The following GMDS variants were observed in gnomAD, a reference collection of about 807,000 sequenced individuals.
GMDS encodes the protein GDP-mannose 4,6 dehydratase.
Under a neutral mutation model 49.9 loss-of-function variants are expected in GMDS, and 20 were observed. The observed-to-expected ratio is 0.40, with a 90% CI of 0.28 to 0.58. The LOEUF is 0.58. Ranked by LOEUF, GMDS falls within the 20% of genes least tolerant of loss-of-function variation. The pLI is 0.42. For synonymous variants in GMDS, 177 were observed against 178.6 expected (o/e 0.99, Z 0.07); for missense variants, 362 against 481.4 (o/e 0.75, Z 2.32).
At chr6:1,854,592 G>A (rs754350075) in intron 7 of GMDS, among the ~76,000 whole-genome samples, 2 of 152,238 alleles carry the variant, frequency 1.3e-5, no homozygotes, top group Non-Finnish European at 2.9e-5. Flanking sequence ...CAGGGACACT[G>A]TTGAACAGAA....
intron 1 of GMDS, among the ~76,000 whole-genome samples, chr6:2,201,670 T>C (rs879858652): frequency 3.8e-4 from 28 of 74,526 alleles, no homozygotes; most frequent in African/African-American, 5.4e-4. Flanking sequence ...AGCAGAGAGG[T>C]GAAGGATGAA....
intron 7 of GMDS, among the ~76,000 whole-genome samples, chr6:1,852,405 C>T (rs1183992692): frequency 6.6e-6 from 1 of 152,128 alleles, no homozygotes; most frequent in Non-Finnish European, 1.5e-5. Context: ...CGAGTAAACT[C>T]AAAAATGGCA....
intron 7 of GMDS, among the ~76,000 whole-genome samples, chr6:1,912,139 G>A (rs1284068961): frequency 6.6e-6 from 1 of 152,172 alleles, no homozygotes; most frequent in Non-Finnish European, 1.5e-5. Flanking sequence ...GCTGAGGCGG[G>A]TGGATCACCT....
chr6:2,064,630 A>C (rs1201759949), intron 4 of GMDS, among the ~76,000 whole-genome samples: 1 of 152,170 alleles, frequency 6.6e-6, no homozygotes. Flanking sequence ...CACTCTGGCC[A>C]AGTCACCCAG....
chr6:2,154,995 T>C (rs892820182), intron 1 of GMDS, among the ~76,000 whole-genome samples: 1 of 152,022 alleles, frequency 6.6e-6, no homozygotes, highest in African/African-American at 2.4e-5. Flanking sequence ...AAGGCTAATA[T>C]TCAACCTTTA....
chr6:2,222,362 C>CA, intron 1 of GMDS, among the ~76,000 whole-genome samples: 1 of 152,288 alleles, frequency 6.6e-6, no homozygotes, highest in South Asian at 2.1e-4. Flanking sequence ...CAAATGGCTC[C>CA]AAAACCTCTG....
chr6:2,152,157 A>C (rs1251982772), intron 1 of GMDS, among the ~76,000 whole-genome samples: 1 of 152,182 alleles, frequency 6.6e-6, no homozygotes, highest in Non-Finnish European at 1.5e-5. Context: ...TTATACTTTG[A>C]CTTTATTTAA....
At chr6:2,172,690 T>A (rs574031685) in intron 1 of GMDS, among the ~76,000 whole-genome samples, 3 of 150,710 alleles carry the variant, frequency 2.0e-5, no homozygotes, top group African/African-American at 7.3e-5. Flanking sequence ...AGGCTCCATC[T>A]CCAAAAAAAA....
At position 1,833,149 on chromosome 6, in the gene GMDS, T is replaced by A. The variant is rs1392104494; in HGVS notation, c.772-90563A>T. ...GCCTTTTTTTTTTTTTTTTTTTTTTTAAACTAATGCACTGGAAGGGGGCAA... is the reference window on the plus strand; with the variant it reads ...GCCTTTTTTTTTTTTTTTTTTTTTTAAAACTAATGCACTGGAAGGGGGCAA... On this transcript the variant is annotated intron_variant, in intron 7 of 10. Coordinates refer to ENST00000380815, the MANE Select transcript of GMDS (RefSeq NM_001500.4). This position sits in a 1 kb window ranked among gnomAD's most constrained non-coding sequence, Gnocchi z 4.4. Among the ~76,000 whole-genome samples the A allele has an allele frequency of 1.7e-5, 2 of 118,716 alleles. No individual in the cohort carries two copies. The highest frequency in any genetic ancestry group is 2.6e-4 in the East Asian group (1 of 3,908). 77.9% of individuals were successfully genotyped at this position (118,716 alleles called of 152,430 possible).
intron 9 of GMDS, among the ~76,000 whole-genome samples, chr6:1,690,508 G>T (rs559111323): frequency 6.6e-6 from 1 of 152,282 alleles, no homozygotes; most frequent in South Asian, 2.1e-4. Flanking sequence ...TGTCAGGTCT[G>T]TTGAAGATCA....
rs1766312491 is a variant in GMDS, at chr6:1,996,836, T to C, written c.346-35870A>G. ...CTGAGGACATGTACTCAGACAAAAA[T>C]TGAGAATTCCACTACTCAGAAGAGA... On this transcript the variant is annotated intron_variant, in intron 4 of 10. Transcript: ENST00000380815. Among the ~76,000 whole-genome samples, 2 of 152,140 alleles carry C rather than the reference T, an allele frequency of 1.3e-5. 1 individual carries two copies. Among genetic ancestry groups the C allele is most frequent in the South Asian group, 4.1e-4 (2 of 4,830 alleles).
chr6:1,921,758 A>C (rs1262706427), intron 7 of GMDS, among the ~76,000 whole-genome samples: 1 of 152,214 alleles, frequency 6.6e-6, no homozygotes, highest in Non-Finnish European at 1.5e-5. Flanking sequence ...TGTTAGAAAC[A>C]ACACAGAAAC....
At chr6:1,685,294 G>C (rs904346117) in intron 9 of GMDS, among the ~76,000 whole-genome samples, 4 of 152,090 alleles carry the variant, frequency 2.6e-5, no homozygotes, top group African/African-American at 7.2e-5. Context: ...CAAGCTACTT[G>C]GGAGGCTGAG....
intron 6 of GMDS, among the ~76,000 whole-genome samples, chr6:1,944,563 G>A (rs1011435658): frequency 2.0e-5 from 3 of 151,584 alleles, no homozygotes; most frequent in Admixed American, 6.6e-5. Flanking sequence ...CCAGCTACTC[G>A]GGAGGCTGAG....
chr6:2,154,028 A>G (rs995175464), intron 1 of GMDS, among the ~76,000 whole-genome samples: 4 of 152,194 alleles, frequency 2.6e-5, no homozygotes, highest in African/African-American at 9.7e-5. Flanking sequence ...TGTCCATACA[A>G]TACTTTCATT....
intron 2 of GMDS, among the ~76,000 whole-genome samples, chr6:2,124,272 T>G (rs574093330): frequency 6.6e-6 from 1 of 152,324 alleles, no homozygotes; most frequent in East Asian, 1.9e-4. Flanking sequence ...CAGGTATAAA[T>G]TTTTCATTCA....
intron 7 of GMDS, among the ~76,000 whole-genome samples, chr6:1,882,971 A>G (rs1347602570): frequency 6.6e-6 from 1 of 152,232 alleles, no homozygotes; most frequent in African/African-American, 2.4e-5. Flanking sequence ...GGTTCCTCAT[A>G]GGAACTCATA....
intron 7 of GMDS, among the ~76,000 whole-genome samples, chr6:1,923,134 A>T (rs1332349813): frequency 6.6e-6 from 1 of 152,166 alleles, no homozygotes; most frequent in Non-Finnish European, 1.5e-5. Flanking sequence ...TGAGTCCATT[A>T]AACCTCTTTG....
chr6:1,969,293 G>GAA (rs57005560), intron 4 of GMDS, among the ~76,000 whole-genome samples: 11 of 115,276 alleles, frequency 9.5e-5, no homozygotes, highest in Non-Finnish European at 1.3e-4. Context: ...AAAAAAAAGA[G>GAA]AAAGAAAGAA....
Sources: allele counts gnomAD v4.1 joint callset (sites outside exome capture counted in the v4.1 genomes callset), GRCh38; gene constraint gnomAD v4.1.1; non-coding constraint Gnocchi (gnomAD v3.1); transcripts MANE v1.5; gene names NCBI Gene and HGNC (gene_info 2026-07-23, HGNC 2026-07-21).